The following VWA3A variants were observed in gnomAD, a reference collection of about 807,000 sequenced individuals.
The protein encoded by VWA3A is von Willebrand factor A domain containing 3A, also known as von Willebrand factor A domain-containing protein 3A.
In VWA3A, 134 loss-of-function variants were observed where a neutral mutation model predicts 160.4. That is an observed-to-expected ratio of 0.84 (90% CI 0.73 to 0.96). The LOEUF is 0.96. VWA3A is among the 40% of genes least tolerant of loss of function. The pLI, the probability that VWA3A is intolerant of heterozygous loss-of-function variation, is 0.00. For synonymous variants in VWA3A, 476 were observed against 543.4 expected, an observed-to-expected ratio of 0.88 and a Z score of 1.72; for missense variants, 1,310 against 1,447.9, an observed-to-expected ratio of 0.90 and a Z score of 1.55.
At chr16:22,131,834 T>C in intron 19 of VWA3A, 105 bp downstream of exon 19, 1 of 1,437,054 alleles carries the variant, frequency 7.0e-7, no homozygotes, top group Non-Finnish European at 9.3e-7. Flanking sequence ...TCTAAACCAG[T>C]GCTTCTCAAA....
intron 31 of VWA3A, among the ~76,000 whole-genome samples, chr16:22,155,000 A>G (rs1412371476): frequency 8.4e-6 from 1 of 119,658 alleles, no homozygotes; most frequent in East Asian, 2.5e-4. Context: ...AAAAAAAAGC[A>G]TGCCTCAGCC....
In VWA3A at chr16:22,148,165, G is replaced by C; in HGVS notation, c.2843G>C (p.Ser948Thr). Reference protein sequence around the residue: ...VQRLQWLLSGSRRLFGTVLES... With the variant: ...VQRLQWLLSGTRRLFGTVLES... ...TTCCCCACCTGTCTCGGAGCAGGGA[G>C]CCGCCGACTGTTTGGCACCGTTTTG... Residue 948 changes from serine to threonine, a missense_variant, in exon 28 of 34, where the codon AGC becomes ACC. Physicochemically the swap from Ser to Thr is moderately conservative, Grantham distance 58 (BLOSUM62 1). Coordinates refer to ENST00000389398, the MANE Select transcript of VWA3A (RefSeq NM_173615.5). 1 of 1,598,858 alleles carries C rather than the reference G, an allele frequency of 6.3e-7. No individual in the cohort carries two copies. The highest frequency in any genetic ancestry group is 8.5e-7 in the Non-Finnish European group (1 of 1,172,898).
At chr16:22,141,084 A>G in intron 23 of VWA3A, 2 of 418,186 alleles carry the variant, frequency 4.8e-6, no homozygotes, top group South Asian at 3.5e-5. Flanking sequence ...CTGACAAAGG[A>G]ACTGAGGCTC....
At chr16:22,120,587 C>T (rs937122223) in intron 12 of VWA3A, among the ~76,000 whole-genome samples, 1 of 152,146 alleles carries the variant, frequency 6.6e-6, no homozygotes, top group Non-Finnish European at 1.5e-5. Context: ...AATCTCTCAG[C>T]GCCTCAGTTC....
At chr16:22,124,186 CAAA>C (rs11426931) in intron 16 of VWA3A, among the ~76,000 whole-genome samples, 2 of 46,606 alleles carry the variant, frequency 4.3e-5, no homozygotes, top group Non-Finnish European at 3.9e-5. Flanking sequence ...GTGTCTACCA[CAAA>C]AAAAAAAAAA....
At chr16:22,154,805 T>C (rs929877025) in intron 31 of VWA3A, among the ~76,000 whole-genome samples, 1 of 149,004 alleles carries the variant, frequency 6.7e-6, no homozygotes, top group Non-Finnish European at 1.5e-5. Context: ...ATACAAAAAA[T>C]TAGCCGGGCG....
rs945190022 is a variant in VWA3A at position 22,092,661 on chromosome 16, A to G, written c.14+10A>G. ...AAATGAAGAAATACAGGTGAGGGTGAGCATCACAAGGGTTGACAGGGGTGG... is the reference window on the plus strand; with the variant it reads ...AAATGAAGAAATACAGGTGAGGGTGGGCATCACAAGGGTTGACAGGGGTGG... On this transcript the variant is annotated intron_variant, in intron 1 of 33. Transcript: ENST00000389398. The G allele has an allele frequency of 1.9e-6, 3 of 1,550,758 alleles. No individual in the cohort carries two copies. The African/African-American group carries it at 4.1e-5, about 21-fold the overall frequency.
In VWA3A at chr16:22,092,653, T is replaced by C. The variant is rs756974972; in HGVS notation, c.14+2T>C. ...GGAGAAATAAATGAAGAAATACAGG[T>C]GAGGGTGAGCATCACAAGGGTTGAC... On this transcript the variant is annotated splice_donor_variant, in intron 1 of 33. Coordinates refer to ENST00000389398, the MANE Select transcript of VWA3A (RefSeq NM_173615.5). LOFTEE classifies it high-confidence loss of function. 7.4e-5 allele frequency: 114 copies of C among 1,550,496 alleles called. No homozygotes were observed. Among genetic ancestry groups the C allele is most frequent in the Non-Finnish European group, 9.7e-5 (111 of 1,146,412 alleles).
At chr16:22,128,742 T>C (rs1351654861) in intron 17 of VWA3A, among the ~76,000 whole-genome samples, 1 of 152,094 alleles carries the variant, frequency 6.6e-6, no homozygotes, top group Non-Finnish European at 1.5e-5. Flanking sequence ...CGGAATACTA[T>C]GCAGCCATAA....
At chr16:22,114,779 CAGTG>C (rs1232091526) in intron 8 of VWA3A, among the ~76,000 whole-genome samples, 1 of 151,300 alleles carries the variant, frequency 6.6e-6, no homozygotes, top group East Asian at 2.0e-4. Context: ...CTGGGCAACA[CAGTG>C]AGACCCCTAT....
At chr16:22,097,905 T>C (rs2045350151) in intron 3 of VWA3A, among the ~76,000 whole-genome samples, 1 of 152,206 alleles carries the variant, frequency 6.6e-6, no homozygotes, top group South Asian at 2.1e-4. Flanking sequence ...TATTTGGCCA[T>C]GTCACTAAAT....
Position 22,100,269 on chromosome 16 carries a change from T to A in VWA3A, c.301T>A (p.Cys101Ser). 1 of 1,551,416 alleles carries A rather than the reference T, an allele frequency of 6.4e-7. No individual in the cohort carries two copies. Among genetic ancestry groups the A allele is most frequent in the Non-Finnish European group, 8.7e-7 (1 of 1,146,958 alleles). ...EDWLSAHSLKCQKLTLADLIS... is the reference protein window; with the variant it reads ...EDWLSAHSLKSQKLTLADLIS... ...CTGGCTTTCGGCTCACAGTTTAAAA[T>A]GTCAGAAACTCACCTTGGCTGACCT... The change falls in exon 4 of 34, where the codon TGT becomes AGT. Residue 101 changes from cysteine to serine, a missense_variant. Coordinates refer to ENST00000389398, the MANE Select transcript of VWA3A (RefSeq NM_173615.5).
At chr16:22,154,391 T>G (rs1048524838) in intron 31 of VWA3A, among the ~76,000 whole-genome samples, 2 of 141,520 alleles carry the variant, frequency 1.4e-5, no homozygotes, top group Non-Finnish European at 3.0e-5. Context: ...TGCAGTGGCA[T>G]GATCTCAGCT....
rs546460913 is a variant in VWA3A at position 22,108,287 on chromosome 16, T to C, written c.484-1195T>C. On this transcript the variant is annotated intron_variant, in intron 6 of 33. Transcript: ENST00000389398. ...AACCTGTTTGTATGGTGATGGAAAT[T>C]GTACAATCAATAGGAATGGATGATC... Among the ~76,000 whole-genome samples, 4 of 152,294 alleles carry C rather than the reference T, an allele frequency of 2.6e-5. No individual in the cohort carries two copies. In the South Asian group the frequency reaches 8.3e-4, roughly 32 times the overall value.
At chr16:22,131,381 C>A in intron 18 of VWA3A, 102 bp downstream of exon 18, 1 of 1,467,152 alleles carries the variant, frequency 6.8e-7, no homozygotes, top group South Asian at 1.2e-5. Flanking sequence ...TCTCTAGAGT[C>A]CCTGACCCCA....
intron 19 of VWA3A, among the ~76,000 whole-genome samples, chr16:22,132,370 G>A (rs1474135493): frequency 6.8e-6 from 1 of 146,694 alleles, no homozygotes. Context: ...CGACAAAAGC[G>A]AAACTCCATC....
intron 11 of VWA3A, among the ~76,000 whole-genome samples, chr16:22,118,526 A>G (rs988380710): frequency 2.6e-5 from 4 of 152,128 alleles, no homozygotes; most frequent in Non-Finnish European, 5.9e-5. Flanking sequence ...TCTACTAAAA[A>G]TAACAAAAAA....
At chr16:22,119,059 T>TCTCCCAGCAGCACTCAGCTGGCCTC (rs763655508) in intron 12 of VWA3A, 32 bp downstream of exon 12, 147 of 1,577,562 alleles carry the variant, frequency 9.3e-5, no homozygotes, top group Non-Finnish European at 1.2e-4. Flanking sequence ...TCTGGGGCCT[T>TCTCCCAGCAGCACTCAGCTGGCCTC]CTCCCAGCAG....
intron 14 of VWA3A, among the ~76,000 whole-genome samples, chr16:22,122,066 T>C (rs2045744774): frequency 2.6e-5 from 4 of 152,204 alleles, no homozygotes; most frequent in Admixed American, 2.0e-4. Flanking sequence ...GCATGTTTAC[T>C]GGATGGCTGA....
Sources: gnomAD v4.1 joint callset for allele counts (sites outside exome capture counted in the v4.1 genomes callset) on GRCh38, gnomAD v4.1.1 for gene constraint, MANE v1.5 for transcripts, NCBI Gene and HGNC (gene_info 2026-07-23, HGNC 2026-07-21) for gene names.